Variants in NDUFAF6 observed in about 807,000 individuals in gnomAD.
NDUFAF6 encodes the protein NADH:ubiquinone oxidoreductase complex assembly factor 6, also known as NADH dehydrogenase (ubiquinone) complex I, assembly factor 6.
A neutral mutation model predicts 40.8 loss-of-function variants in NDUFAF6; 45 were observed. The observed-to-expected ratio is 1.10, with a 90% CI of 0.87 to 1.42. NDUFAF6 has a LOEUF of 1.42. NDUFAF6 is among the 40% of genes most tolerant of loss of function. NDUFAF6 has a pLI of 0.00. For synonymous variants in NDUFAF6, 185 were observed against 155.9 expected, an observed-to-expected ratio of 1.19 and a Z score of -1.39; for missense variants, 435 against 418.5, an observed-to-expected ratio of 1.04 and a Z score of -0.34.
chr8:95,035,418 A>G (rs375977820), intron 2 of NDUFAF6, 36 bp from the exon 3 acceptor site: 4 of 1,611,282 alleles, frequency 2.5e-6, no homozygotes, highest in African/African-American at 2.7e-5. Context: ...GACAGTAGAC[A>G]ATGCATTTGC....
chr8:94,941,134 CACATATAT>C (rs1473827462), intron 1 of NDUFAF6: 2 of 572,886 alleles, frequency 3.5e-6, no homozygotes, highest in Non-Finnish European at 6.2e-6. Context: ...AATCAGCATG[CACATATAT>C]ACATAAGTAC....
intron 3 of NDUFAF6, among the ~76,000 whole-genome samples, chr8:95,038,202 T>G (rs1367740828): frequency 6.6e-6 from 1 of 152,100 alleles, no homozygotes; most frequent in Non-Finnish European, 1.5e-5. Flanking sequence ...ATCCCATTTG[T>G]TTAATCATTT....
At position 94,988,043 on chromosome 8, in the gene NDUFAF6, A is replaced by G. The variant is rs138623329; in HGVS notation, c.-84+7070A>G. On this transcript the variant is annotated intron_variant, in intron 2 of 9. Coordinates refer to the NDUFAF6 transcript ENST00000396111. ...TTAAGGCCTGTGGGTTCTGGAGCCTATGCTTCAGCAACTGAAGCTGAACTG... is the reference window on the plus strand; with the variant it reads ...TTAAGGCCTGTGGGTTCTGGAGCCTGTGCTTCAGCAACTGAAGCTGAACTG... Among the ~76,000 whole-genome samples the G allele has an allele frequency of 2.9e-3, 444 of 152,366 alleles. 3 individuals are homozygous for G. Among genetic ancestry groups the G allele is most frequent in the African/African-American group, 0.01 (418 of 41,588 alleles).
At chr8:95,015,629 A>G (rs927683970) in intron 2 of NDUFAF6, among the ~76,000 whole-genome samples, 25 of 152,222 alleles carry the variant, frequency 1.6e-4, no homozygotes, top group African/African-American at 6.0e-4. Flanking sequence ...TTATTTGATA[A>G]CTATTCATAT....
At chr8:94,904,371 T>A (rs1348840686) in intron 1 of NDUFAF6, among the ~76,000 whole-genome samples, 1 of 125,552 alleles carries the variant, frequency 8.0e-6, no homozygotes, top group Non-Finnish European at 1.6e-5. Flanking sequence ...AAAGACAGGG[T>A]TTCACCGTGT....
intron 2 of NDUFAF6, among the ~76,000 whole-genome samples, chr8:95,010,280 G>A (rs1827173272): frequency 6.6e-6 from 1 of 152,084 alleles, no homozygotes; most frequent in Admixed American, 6.6e-5. Context: ...CTAGAGATGG[G>A]GTTTTGCTAT....
At chr8:95,006,459 C>T (rs2131661004) in intron 2 of NDUFAF6, among the ~76,000 whole-genome samples, 1 of 152,022 alleles carries the variant, frequency 6.6e-6, no homozygotes, top group Non-Finnish European at 1.5e-5. Context: ...TATTTTCAGA[C>T]TCCAGGACTT....
At chr8:94,917,605 C>T (rs558509150) in intron 1 of NDUFAF6, among the ~76,000 whole-genome samples, 1 of 152,204 alleles carries the variant, frequency 6.6e-6, no homozygotes, top group African/African-American at 2.4e-5. Context: ...AATTCAACCA[C>T]AAAGAATCTC....
intron 1 of NDUFAF6, among the ~76,000 whole-genome samples, chr8:94,903,796 GC>G (rs778287005): frequency 2.0e-5 from 3 of 152,110 alleles, no homozygotes; most frequent in Non-Finnish European, 4.4e-5. Context: ...AGTTTTTAAG[GC>G]GCTGTTTCTG....
rs144213779 is a variant in NDUFAF6 at position 95,038,244 on chromosome 8, TCTC to T, written c.420+2672_420+2674del. ...ACTCACATATTCAGTTTCTCGCTCTTCTCCTCTCCTCCTTCTCCTATTCCCCCA... is the reference window on the plus strand; with the variant it reads ...ACTCACATATTCAGTTTCTCGCTCTTCTCTCCTCCTTCTCCTATTCCCCCA... On this transcript the variant is annotated intron_variant, in intron 3 of 8. Coordinates refer to ENST00000396124, the MANE Select transcript of NDUFAF6 (RefSeq NM_152416.4). Among the ~76,000 whole-genome samples the T allele has an allele frequency of 4.3e-3, 659 of 152,280 alleles. 2 individuals carry two copies. The highest frequency in any genetic ancestry group is 0.015 in the African/African-American group (628 of 41,536).
chr8:95,028,638 T>A (rs999498022), intron 1 of NDUFAF6, among the ~76,000 whole-genome samples: 1 of 152,230 alleles, frequency 6.6e-6, no homozygotes, highest in Non-Finnish European at 1.5e-5. Context: ...TTGAAGTACT[T>A]CACATACTGC....
At chr8:94,953,960 C>G (rs1822852253), upstream of NDUFAF6, among the ~76,000 whole-genome samples, 1 of 152,126 alleles carries the variant, frequency 6.6e-6, no homozygotes, top group Non-Finnish European at 1.5e-5. Flanking sequence ...TTTTTTATTT[C>G]TATAGTATCC....
intron 2 of NDUFAF6, among the ~76,000 whole-genome samples, chr8:94,991,796 G>C (rs1202564369): frequency 2.0e-4 from 23 of 113,286 alleles, no homozygotes; most frequent in South Asian, 5.9e-4. Flanking sequence ...CTCATTCTTC[G>C]CCCCCCCCCC....
chr8:94,922,731 G>A lies in NDUFAF6; in HGVS notation c.-935-22752G>A, dbSNP rs577657779. Among the ~76,000 whole-genome samples, 4 of 152,158 alleles carry A rather than the reference G, an allele frequency of 2.6e-5. No individual in the cohort carries two copies. In the East Asian group the frequency reaches 7.7e-4, roughly 29 times the overall value. On this transcript the variant is annotated intron_variant, in intron 1 of 14. Transcript: ENST00000396113. ...TGACCTCAGGTGATCCACCCACCTC[G>A]GCCTCCCAAAGTGCTGGGACTACAG...
chr8:95,108,926 T>C (rs1181630135), intron 4 of NDUFAF6, among the ~76,000 whole-genome samples: 1 of 152,234 alleles, frequency 6.6e-6, no homozygotes, highest in Non-Finnish European at 1.5e-5. Flanking sequence ...AAGTATATTT[T>C]ACCACAATAA....
chr8:95,063,098 G>A (rs1832611136), downstream of NDUFAF6, among the ~76,000 whole-genome samples: 1 of 152,178 alleles, frequency 6.6e-6, no homozygotes, highest in African/African-American at 2.4e-5. Flanking sequence ...TAAGGTGTTT[G>A]GATTTTAAGA....
At chr8:94,925,146 C>A (rs2131285057) in intron 1 of NDUFAF6, among the ~76,000 whole-genome samples, 1 of 152,362 alleles carries the variant, frequency 6.6e-6, no homozygotes, top group African/African-American at 2.4e-5. Context: ...CCAATCTTTT[C>A]ATCTCAGCAA....
intron 1 of NDUFAF6, among the ~76,000 whole-genome samples, chr8:94,932,526 G>A (rs567451543): frequency 2.2e-4 from 34 of 152,290 alleles, no homozygotes; most frequent in South Asian, 1.2e-3. Context: ...AATCCCTGCC[G>A]GGCACGGTGG....
In NDUFAF6 at chr8:95,052,857, A is replaced by G. The variant is rs573397373; in HGVS notation, c.873+627A>G. ...TTCTGATGCGTAGACAGGTTTGGGA[A>G]CTGTTGTTCTAAAACTACATAGAGA... On this transcript the variant is annotated intron_variant, in intron 8 of 8. Transcript: ENST00000396124. Among the ~76,000 whole-genome samples the G allele has an allele frequency of 2.6e-5, 4 of 152,244 alleles. No homozygotes were observed. The South Asian group carries it at 8.3e-4, about 32-fold the overall frequency.
Sources: gnomAD v4.1 joint callset for allele counts (sites outside exome capture counted in the v4.1 genomes callset) on GRCh38, gnomAD v4.1.1 for gene constraint, MANE v1.5 for transcripts, NCBI Gene and HGNC (gene_info 2026-07-23, HGNC 2026-07-21) for gene names.